Variants in NOP2 observed in about 807,000 individuals in gnomAD.
NOP2 encodes the protein 28S rRNA (cytosine(4447)-C(5))-methyltransferase.
Under a neutral mutation model 72.7 loss-of-function variants are expected in NOP2, and 7 were observed. The ratio of observed to expected loss-of-function variants is 0.10; its 90% CI spans 0.05 to 0.18. NOP2 has a LOEUF of 0.18. NOP2 is among the 10% of genes least tolerant of loss of function. The pLI is 1.00. For missense variants in NOP2, 954 were observed against 1,014.7 expected (o/e 0.94, Z 0.81); for synonymous variants, 387 against 388.0 (o/e 1.00, Z 0.03).
In NOP2 at chr12:6,563,137, G is replaced by A. The variant is rs1393883946; in HGVS notation, c.922C>T (p.Arg308Trp). 3.8e-6 allele frequency: 6 copies of A among 1,597,400 alleles called. No individual in the cohort carries two copies. The highest frequency in any genetic ancestry group is 4.5e-5 in the East Asian group (2 of 44,192). Residue 308 changes from arginine to tryptophan, a missense_variant, in exon 9 of 16, where the codon CGG becomes TGG. Arg to Trp is a moderately radical substitution (Grantham distance 101). Coordinates refer to ENST00000322166, the MANE Select transcript of NOP2 (RefSeq NM_001258308.2). ...GTATTGGTCCGGAGGGTGACGGGCC[G>A]AGGCACCTCATTAGCTTCTAAGAAC... ...VEFLEANEVP[R>W]PVTLRTNTLK...
chr12:6,565,050 C>G (rs1251037508), intron 5 of NOP2, among the ~76,000 whole-genome samples: 1 of 152,108 alleles, frequency 6.6e-6, no homozygotes, highest in Admixed American at 6.6e-5. Context: ...AATACATCCA[C>G]ACACTAATTG....
intron 11 of NOP2, among the ~76,000 whole-genome samples, 164 bp downstream of exon 11, chr12:6,561,500 G>A (rs1395749003): frequency 2.0e-5 from 3 of 152,160 alleles, no homozygotes; most frequent in African/African-American, 7.2e-5. Context: ...GTAGTAAGTG[G>A]CACACTGGAA....
At position 6,556,935 on chromosome 12, in the gene NOP2, G is replaced by C; in HGVS notation, c.*58C>G. 1 of 1,592,586 alleles carries C rather than the reference G, an allele frequency of 6.3e-7. No homozygotes were observed. Among genetic ancestry groups the C allele is most frequent in the African/African-American group, 1.4e-5 (1 of 73,884 alleles). On this transcript the variant is annotated 3_prime_UTR_variant, in exon 16 of 16. Transcript: ENST00000322166. ...ACAGTAGAGAAGGCATCCTCACAGA[G>C]GCAAGAGTTCCAACCTGGTGACAAT...
Position 6,561,734 on chromosome 12 carries a change from G to C in NOP2, c.1137C>G (p.Ala379=). The C allele has an allele frequency of 1.2e-6, 2 of 1,613,098 alleles. No homozygotes were observed. The highest frequency in any genetic ancestry group is 1.7e-6 in the Non-Finnish European group (2 of 1,179,492). The change falls in exon 11 of 16, where the codon GCC becomes GCG. Residue 379 remains alanine (A), a synonymous_variant. Coordinates refer to ENST00000322166, the MANE Select transcript of NOP2 (RefSeq NM_001258308.2). ...QGASSMLPVM[A]LAPQEHERIL... The stretch of plus-strand genomic sequence containing the variant: ...TCCGCTCATGTTCCTGGGGTGCCAA[G>C]GCCATGACGGGCAACATGCTGGAGG...
At chr12:6,562,202 C>A (rs1350993791) in intron 9 of NOP2, among the ~76,000 whole-genome samples, 1 of 152,102 alleles carries the variant, frequency 6.6e-6, no homozygotes, top group Non-Finnish European at 1.5e-5. Context: ...GTTGGCCAGG[C>A]TGGTCTCTAA....
Position 6,566,184 on chromosome 12 carries a change from G to C in NOP2, c.391C>G (p.Leu131Val). 1 of 1,613,960 alleles carries C rather than the reference G, an allele frequency of 6.2e-7. No individual in the cohort carries two copies. Among genetic ancestry groups the C allele is most frequent in the Middle Eastern group, 1.6e-4 (1 of 6,062 alleles). The change falls in exon 5 of 16, where the codon CTC becomes GTC. Residue 131 changes from leucine to valine, a missense_variant. Transcript: ENST00000322166. Reference sequence around the variant, plus strand: ...TCAGCATCGTCCTCGGAGCCCCAGAGGTCCCCGTGGTTCACCATACCATCT... The same window carrying C: ...TCAGCATCGTCCTCGGAGCCCCAGACGTCCCCGTGGTTCACCATACCATCT... ...EEDGMVNHGD[L>V]WGSEDDADTV...
Position 6,564,279 on chromosome 12 carries a change from A to G in NOP2, c.475-333T>C, listed in dbSNP as rs764442294. On this transcript the variant is annotated intron_variant, in intron 5 of 15. Transcript: ENST00000322166. ...CAACAGAGAAAGACTTCATCTCAAA[A>G]AAAAAAAAAAAAAACCTAAGTAATA... is the stretch of plus-strand genomic sequence containing the variant. 4.0e-5 allele frequency: 10 copies of G among 247,292 alleles called. No individual in the cohort carries two copies. The East Asian group carries it at 1.1e-3, about 27-fold the overall frequency. The allele number at this position is 247,292 out of a possible 1,614,324, so 15.3% of individuals were successfully genotyped here.
chr12:6,568,112 C>A, intron 1 of NOP2, 95 bp downstream of exon 1: 1 of 592,606 alleles, frequency 1.7e-6, no homozygotes, highest in Non-Finnish European at 3.0e-6. Flanking sequence ...ACCGAACGCC[C>A]TCCCACCTGA....
At position 6,561,709 on chromosome 12, in the gene NOP2, T is replaced by G. The variant is rs1249339601; in HGVS notation, c.1162A>C (p.Ile388Leu). 5 of 1,613,590 alleles carry G rather than the reference T, an allele frequency of 3.1e-6. No individual in the cohort carries two copies. Among genetic ancestry groups the G allele is most frequent in the Admixed American group, 1.7e-5 (1 of 59,958 alleles). ...MALAPQEHER[I>L]LDMCCAPGGK... The stretch of plus-strand genomic sequence containing the variant: ...CCAGGGGCACAACACATGTCCAGGA[T>G]CCGCTCATGTTCCTGGGGTGCCAAG... Residue 388 changes from isoleucine to leucine, a missense_variant, in exon 11 of 16, where the codon ATC becomes CTC. Around this residue, in one of 3 missense-constraint regions of NOP2, gnomAD observed 187 missense variants for 276.2 expected, o/e 0.68. Coordinates refer to ENST00000322166, the MANE Select transcript of NOP2 (RefSeq NM_001258308.2).
intron 8 of NOP2, 48 bp from the exon 9 acceptor site, chr12:6,563,218 A>G (rs1947692991): frequency 6.4e-7 from 1 of 1,555,154 alleles, no homozygotes; most frequent in South Asian, 1.2e-5. Flanking sequence ...TAAGGAGCTC[A>G]GTCAGAAGAG....
At chr12:6,566,733 G>A (rs1414877859) in intron 3 of NOP2, 44 bp downstream of exon 3, 18 of 1,596,944 alleles carry the variant, frequency 1.1e-5, no homozygotes, top group Middle Eastern at 1.6e-4. Context: ...TCAAAGATGA[G>A]CAGTACCAAT....
Position 6,560,603 on chromosome 12 carries a change from G to A in NOP2, c.1438-34C>T. The A allele has an allele frequency of 6.2e-7, 1 of 1,602,676 alleles. No individual in the cohort carries two copies. The highest frequency in any genetic ancestry group is 2.2e-5 in the East Asian group (1 of 44,600). ...AAAAGAGACCCAAAGGCAGCCTCAG[G>A]AGGAGAGGGGAGCCCAGAGGGTGTC... On this transcript the variant is annotated intron_variant, in intron 13 of 15. Transcript: ENST00000322166. This position sits in a 1 kb window ranked among gnomAD's most constrained non-coding sequence, Gnocchi z 5.0.
intron 5 of NOP2, 101 bp downstream of exon 5, chr12:6,565,999 TA>T: frequency 1.1e-6 from 1 of 945,042 alleles, no homozygotes; most frequent in African/African-American, 1.6e-5. Flanking sequence ...CCCTTTCCTC[TA>T]GTCAGGCTTA....
chr12:6,561,625 G>A, intron 11 of NOP2, 39 bp downstream of exon 11: 3 of 1,605,716 alleles, frequency 1.9e-6, no homozygotes, highest in Non-Finnish European at 2.6e-6. Flanking sequence ...TCAAAAGCAA[G>A]ACAGCCCGAT....
intron 7 of NOP2, 28 bp from the exon 8 acceptor site, chr12:6,563,542 A>G: frequency 6.2e-7 from 1 of 1,612,060 alleles, no homozygotes; most frequent in African/African-American, 1.3e-5. Flanking sequence ...CTGTGTCATG[A>G]TGTCCTAAGG....
chr12:6,566,133 A>G lies in NOP2; in HGVS notation c.442T>C (p.Ser148Pro). 1 of 1,613,904 alleles carries G rather than the reference A, an allele frequency of 6.2e-7. No individual in the cohort carries two copies. Among genetic ancestry groups the G allele is most frequent in the Non-Finnish European group, 8.5e-7 (1 of 1,179,822 alleles). Residue 148 changes from serine (S) to proline (P), a missense_variant, in exon 5 of 16, where the codon TCC becomes CCC. Physicochemically the swap from Ser to Pro is moderately conservative, Grantham distance 74. Transcript: ENST00000322166. ...ADTVDDYGAD[S>P]NSEDEEEGEA... ...CCTTCCTCCTCATCCTCAGAGTTGG[A>G]GTCAGCTCCATAGTCATCTACCGTA...
At chr12:6,557,756 T>C (rs1947532106) in intron 15 of NOP2, 114 bp from the exon 16 acceptor site, 1 of 1,116,376 alleles carries the variant, frequency 9.0e-7, no homozygotes, top group Non-Finnish European at 1.3e-6. Flanking sequence ...TCCACACAAT[T>C]AGGTCAGTGC....
intron 1 of NOP2, 95 bp from the exon 2 acceptor site, chr12:6,568,017 C>T: frequency 1.1e-6 from 1 of 912,696 alleles, no homozygotes; most frequent in Non-Finnish European, 1.7e-6. Flanking sequence ...AAGGGCACAG[C>T]CTCAACTCAG....
chr12:6,563,294 G>A (rs771104267), intron 8 of NOP2, 21 bp downstream of exon 8: 1 of 1,571,552 alleles, frequency 6.4e-7, no homozygotes, highest in East Asian at 2.3e-5. Flanking sequence ...AAGCAAAAGA[G>A]GCATTCTGGC....
Sources: gnomAD v4.1 joint callset for allele counts (sites outside exome capture counted in the v4.1 genomes callset) on GRCh38, gnomAD v4.1.1 for gene constraint, gnomAD v4.1.1 regional missense constraint, Gnocchi (gnomAD v3.1) non-coding constraint, MANE v1.5 for transcripts, NCBI Gene and HGNC (gene_info 2026-07-23, HGNC 2026-07-21) for gene names.